Variants in SYNE2 observed in about 807,000 individuals in gnomAD.
SYNE2 encodes the protein spectrin repeat containing nuclear envelope protein 2, also known as nesprin-2.
A neutral mutation model predicts 856.3 loss-of-function variants in SYNE2; 431 were observed. The observed-to-expected ratio is 0.50, with a 90% CI of 0.47 to 0.55. The LOEUF (loss-of-function observed/expected upper bound fraction) is 0.55, where lower values mean the gene tolerates loss of function less well. Ranked by LOEUF, SYNE2 falls within the 20% of genes least tolerant of loss-of-function variation. SYNE2 has a pLI of 0.00. For synonymous variants in SYNE2, 2,923 were observed against 2,872.3 expected, an observed-to-expected ratio of 1.02 and a Z score of -0.56; for missense variants, 8,129 against 8,023.2, an observed-to-expected ratio of 1.01 and a Z score of -0.50.
chr14:64,105,426 T>A (rs1175059782), intron 64 of SYNE2, among the ~76,000 whole-genome samples: 1 of 152,222 alleles, frequency 6.6e-6, no homozygotes, highest in African/African-American at 2.4e-5. Flanking sequence ...CAGTAGAAGC[T>A]GAAAAGACAC....
At chr14:63,933,342 A>G (rs1042367072) in intron 2 of SYNE2, among the ~76,000 whole-genome samples, 2 of 152,202 alleles carry the variant, frequency 1.3e-5, no homozygotes, top group Non-Finnish European at 2.9e-5. Flanking sequence ...CTTAGTAGCC[A>G]TGGTAGTTTC....
intron 64 of SYNE2, among the ~76,000 whole-genome samples, chr14:64,103,004 A>G (rs1000586820): frequency 2.0e-5 from 3 of 152,136 alleles, no homozygotes; most frequent in South Asian, 2.1e-4. Context: ...AAGGCTGGCT[A>G]GTACTCTGTT....
intron 45 of SYNE2, among the ~76,000 whole-genome samples, chr14:64,041,545 T>C (rs1441043460): frequency 6.6e-6 from 1 of 152,116 alleles, no homozygotes; most frequent in Non-Finnish European, 1.5e-5. Flanking sequence ...GTATGTCCAA[T>C]GAACATATGA....
At chr14:63,888,179 A>G (rs968349592) in intron 1 of SYNE2, among the ~76,000 whole-genome samples, 4 of 152,212 alleles carry the variant, frequency 2.6e-5, no homozygotes, top group African/African-American at 7.2e-5. Flanking sequence ...CGTTCTGTAC[A>G]AGCTTGGGAC....
Position 64,070,766 on chromosome 14 carries a change from G to C in SYNE2, c.10553G>C (p.Gly3518Ala), listed in dbSNP as rs768444096. 2.4e-5 allele frequency: 39 copies of C among 1,614,222 alleles called. No individual in the cohort carries two copies. The African/African-American group carries it at 4.8e-4, about 20-fold the overall frequency. ...SELLDCLCQYGENVEKQQLLL... is the reference protein window; with the variant it reads ...SELLDCLCQYAENVEKQQLLL... ...CTGCTAGACTGTTTATGCCAATATG[G>C]AGAGAACGTGGAGAAGCAACAGCTG... Residue 3518 changes from glycine to alanine, a missense_variant, in exon 52 of 116, where the codon GGA becomes GCA. Physicochemically the swap from Gly to Ala is moderately conservative, Grantham distance 60 (BLOSUM62 0). This residue lies in a region of SYNE2 where 5,410 missense variants were observed against 5,284.8 expected (regional missense o/e 1.02). Coordinates refer to ENST00000555002, the MANE Select transcript of SYNE2 (RefSeq NM_182914.3).
intron 8 of SYNE2, among the ~76,000 whole-genome samples, chr14:63,958,358 CTT>C (rs1291625855): frequency 1.3e-5 from 2 of 152,164 alleles, no homozygotes; most frequent in African/African-American, 4.8e-5. Flanking sequence ...GTTTCCCAGA[CTT>C]TTAAATAAAT....
At chr14:64,092,766 T>C (rs887730782) in intron 60 of SYNE2, among the ~76,000 whole-genome samples, 1 of 152,212 alleles carries the variant, frequency 6.6e-6, no homozygotes, top group Non-Finnish European at 1.5e-5. Flanking sequence ...CCAGGTATTG[T>C]TCTGGTTAGT....
intron 19 of SYNE2, among the ~76,000 whole-genome samples, chr14:63,986,978 G>T (rs2096630715): frequency 7.2e-5 from 11 of 152,146 alleles, no homozygotes. Flanking sequence ...ATCAGGCTGG[G>T]CGCGGTGGCT....
chr14:64,147,081 C>T (rs547111065), intron 84 of SYNE2, among the ~76,000 whole-genome samples: 1 of 151,822 alleles, frequency 6.6e-6, no homozygotes, highest in African/African-American at 2.4e-5. Flanking sequence ...TTACTGGAAG[C>T]CTACATTCCG....
intron 2 of SYNE2, 26 bp downstream of exon 2, chr14:63,909,253 A>C (rs1420726271): frequency 4.6e-6 from 7 of 1,523,648 alleles, no homozygotes; most frequent in Non-Finnish European, 6.4e-6. Flanking sequence ...TGGGGGTAAC[A>C]CCCACAGAAA....
At chr14:63,787,820 C>A (rs187784354) in intron 1 of SYNE2, among the ~76,000 whole-genome samples, 3 of 152,328 alleles carry the variant, frequency 2.0e-5, no homozygotes, top group Admixed American at 2.0e-4. Context: ...GGACTGGCAC[C>A]TGACCTGCAG....
chr14:64,183,490 C>T (rs550079396), intron 96 of SYNE2, among the ~76,000 whole-genome samples: 2 of 151,968 alleles, frequency 1.3e-5, no homozygotes, highest in Non-Finnish European at 2.9e-5. Flanking sequence ...CAGGCAGAGA[C>T]GCTCCTCACT....
At chr14:64,013,143 A>G (rs996456294) in intron 32 of SYNE2, among the ~76,000 whole-genome samples, 3 of 152,234 alleles carry the variant, frequency 2.0e-5, no homozygotes, top group Non-Finnish European at 4.4e-5. Flanking sequence ...AGTTCTGCCA[A>G]TGCTAAAAGT....
Position 64,218,479 on chromosome 14 carries a change from G to T in SYNE2, c.19624G>T (p.Gly6542Trp), listed in dbSNP as rs746433383. 1.5e-5 allele frequency: 24 copies of T among 1,613,892 alleles called. No individual in the cohort carries two copies. In the Admixed American group the frequency reaches 3.7e-4, roughly 25 times the overall value. Residue 6542 changes from glycine to tryptophan, a missense_variant, in exon 109 of 116, where the codon GGG becomes TGG. Physicochemically the swap from Gly to Trp is radical, Grantham distance 184. Transcript: ENST00000555002. ...GAATGGCAACCCACAGCAGGAAGAC[G>T]GGGGACTGGCCGGTATCACAGAGCA... Reference protein sequence around the residue: ...VLNGNPQQEDGGLAGITEQQS... With the variant: ...VLNGNPQQEDWGLAGITEQQS...
At chr14:64,041,811 C>T (rs2097150549) in intron 45 of SYNE2, among the ~76,000 whole-genome samples, 1 of 150,514 alleles carries the variant, frequency 6.6e-6, no homozygotes, top group East Asian at 2.0e-4. Flanking sequence ...GTTCACACCA[C>T]TGCACTCCAG....
At chr14:63,763,348 T>C (rs138204490) in intron 1 of SYNE2, among the ~76,000 whole-genome samples, 1,983 of 152,284 alleles carry the variant, frequency 0.013, 20 homozygotes, top group Middle Eastern at 0.044. Flanking sequence ...GGTTTTTAGA[T>C]GCAAAATAAA....
chr14:64,114,536 C>T (rs2097840155), intron 66 of SYNE2, among the ~76,000 whole-genome samples: 1 of 152,170 alleles, frequency 6.6e-6, no homozygotes, highest in Non-Finnish European at 1.5e-5. Flanking sequence ...TCTATGTAAG[C>T]CCATAGTCTT....
At chr14:64,077,860 G>A (rs1012565320) in intron 54 of SYNE2, among the ~76,000 whole-genome samples, 7 of 151,852 alleles carry the variant, frequency 4.6e-5, no homozygotes, top group African/African-American at 1.5e-4. Flanking sequence ...AAAAAATTAC[G>A]CTGTTCAGTA....
chr14:64,130,024 G>T, intron 75 of SYNE2, 24 bp from the exon 76 acceptor site: 2 of 1,613,318 alleles, frequency 1.2e-6, no homozygotes, highest in Non-Finnish European at 1.7e-6. Context: ...AAATGCATGT[G>T]TGCACCTGCT....
Sources: gnomAD v4.1 joint callset for allele counts (sites outside exome capture counted in the v4.1 genomes callset) on GRCh38, gnomAD v4.1.1 for gene constraint, gnomAD v4.1.1 regional missense constraint, MANE v1.5 for transcripts, NCBI Gene and HGNC (gene_info 2026-07-23, HGNC 2026-07-21) for gene names.